Variants in MAST2 observed in about 807,000 individuals in gnomAD.
MAST2 encodes microtubule-associated serine/threonine-protein kinase 2.
In MAST2, 70 loss-of-function variants were observed where a neutral mutation model predicts 147.4. That is an observed-to-expected ratio of 0.47 (90% CI 0.39 to 0.58). The LOEUF is 0.58. Ranked by LOEUF, MAST2 falls within the 20% of genes least tolerant of loss-of-function variation. MAST2 has a pLI of 0.00. For missense variants in MAST2, 2,080 were observed against 2,302.3 expected (o/e 0.90, Z 1.98); for synonymous variants, 869 against 896.8 (o/e 0.97, Z 0.55).
At chr1:45,892,689 A>G (rs1278695610) in intron 4 of MAST2, among the ~76,000 whole-genome samples, 1 of 152,190 alleles carries the variant, frequency 6.6e-6, no homozygotes, top group Admixed American at 6.5e-5. Context: ...TTTGTTGAAG[A>G]CACAGACTCT....
chr1:45,852,272 C>T (rs761335786), intron 3 of MAST2, among the ~76,000 whole-genome samples: 12 of 152,164 alleles, frequency 7.9e-5, no homozygotes, highest in Admixed American at 2.6e-4. Context: ...CAAAGGAATT[C>T]GCTTGGGCTG....
intron 11 of MAST2, 64 bp downstream of exon 11, chr1:46,019,761 G>A: frequency 7.2e-7 from 1 of 1,381,232 alleles, no homozygotes; most frequent in African/African-American, 1.4e-5. Context: ...GAAGTATCCT[G>A]ATGACAGCAA....
chr1:45,977,243 T>G (rs915946003), intron 5 of MAST2, among the ~76,000 whole-genome samples: 2 of 152,206 alleles, frequency 1.3e-5, no homozygotes, highest in African/African-American at 4.8e-5. Context: ...TTCCCAGCAC[T>G]TTGGGAGGCC....
rs540128921 is a variant in MAST2 at position 45,866,221 on chromosome 1, C to T, written c.469-16143C>T. ...ATTCAGAGCCCGTAGGGAGAACCCA[C>T]TGAATCTTTAGCAGTTGACCAGTAT... On this transcript the variant is annotated intron_variant, in intron 3 of 28. Transcript: ENST00000361297. Among the ~76,000 whole-genome samples the T allele has an allele frequency of 7.2e-5, 11 of 152,250 alleles. No homozygotes were observed. In the South Asian group the frequency reaches 2.3e-3, roughly 32 times the overall value.
chr1:45,907,750 C>T (rs912688951), intron 4 of MAST2, among the ~76,000 whole-genome samples: 1 of 152,140 alleles, frequency 6.6e-6, no homozygotes. Context: ...CCTTGGCAGT[C>T]TCTGTTCTAC....
chr1:46,018,494 A>G (rs1646051770), intron 10 of MAST2, among the ~76,000 whole-genome samples: 1 of 152,220 alleles, frequency 6.6e-6, no homozygotes. Flanking sequence ...TAGAGAATTG[A>G]AGCGAGGGAT....
At chr1:45,877,441 G>A (rs1156701974) in intron 3 of MAST2, among the ~76,000 whole-genome samples, 1 of 152,062 alleles carries the variant, frequency 6.6e-6, no homozygotes, top group Admixed American at 6.6e-5. Context: ...AAGGCCTCAT[G>A]ACCTAATCAC....
Position 46,022,981 on chromosome 1 carries a change from C to G in MAST2, c.1485+10C>G. 6.2e-7 allele frequency: 1 copy of G among 1,613,452 alleles called. No homozygotes were observed. The highest frequency in any genetic ancestry group is 8.5e-7 in the Non-Finnish European group (1 of 1,179,410). ...AGATGATTCTATTGAGGTAAAAACC[C>G]TGAGCTCCTACCCCATTCCTGGAGC... is the stretch of plus-strand genomic sequence containing the variant. On this transcript the variant is annotated intron_variant, in intron 13 of 28. Transcript: ENST00000361297.
chr1:45,904,534 C>G (rs1354268786), intron 4 of MAST2, among the ~76,000 whole-genome samples: 1 of 151,772 alleles, frequency 6.6e-6, no homozygotes. Flanking sequence ...TTCGCGCAAT[C>G]ACAGCTCACT....
rs1356515874 is a variant in MAST2, at chr1:45,821,520, T to C, written c.178-2913T>C. Among the ~76,000 whole-genome samples the C allele has an allele frequency of 5.4e-3, 757 of 140,214 alleles. 4 individuals are homozygous for C. The highest frequency in any genetic ancestry group is 0.019 in the African/African-American group (720 of 37,436). 92.0% of individuals were successfully genotyped at this position (140,214 alleles called of 152,430 possible). A position where few individuals can be genotyped will look rare whatever the true frequency, so the allele number is the denominator to read the frequency against. ...GTTTTGGTATGTTATTTCTTCTTTT[T>C]TTTTTTTTTTTTTTTTTTGAGACAG... On this transcript the variant is annotated intron_variant, in intron 1 of 28. Transcript: ENST00000361297.
intron 5 of MAST2, among the ~76,000 whole-genome samples, chr1:45,979,280 C>T (rs1453003077): frequency 1.3e-5 from 2 of 152,164 alleles, no homozygotes; most frequent in Non-Finnish European, 2.9e-5. Context: ...GATTCAAGGT[C>T]AACTGACTGC....
chr1:45,820,011 G>A (rs1211476083), intron 1 of MAST2, among the ~76,000 whole-genome samples: 4 of 151,956 alleles, frequency 2.6e-5, no homozygotes, highest in African/African-American at 9.7e-5. Flanking sequence ...CCAATAGAAC[G>A]GAATAGAGAA....
At position 45,921,940 on chromosome 1, in the gene MAST2, T is replaced by C. The variant is rs186613133; in HGVS notation, c.501-37446T>C. On this transcript the variant is annotated intron_variant, in intron 4 of 28. Transcript: ENST00000361297. The stretch of plus-strand genomic sequence containing the variant: ...AAGGAATGAGGTACACAGACAAATA[T>C]AGGGTGAGCAAGACAAAGGGGAACT... Among the ~76,000 whole-genome samples the C allele has an allele frequency of 3.3e-5, 5 of 152,244 alleles. No homozygotes were observed. In the East Asian group the frequency reaches 9.6e-4, roughly 29 times the overall value.
At chr1:45,963,178 A>T (rs1660681588) in intron 5 of MAST2, among the ~76,000 whole-genome samples, 1 of 152,198 alleles carries the variant, frequency 6.6e-6, no homozygotes, top group African/African-American at 2.4e-5. Flanking sequence ...CTTGTAGTAT[A>T]GTTTGAAGTC....
intron 6 of MAST2, among the ~76,000 whole-genome samples, chr1:45,998,752 G>C (rs1420953668): frequency 6.6e-6 from 1 of 150,760 alleles, no homozygotes; most frequent in East Asian, 1.9e-4. Context: ...TTTTGAGACG[G>C]AGTCTCACTC....
intron 3 of MAST2, chr1:45,847,564 C>CT (rs1427632511): frequency 2.0e-5 from 16 of 799,354 alleles, no homozygotes; most frequent in East Asian, 3.7e-5. Flanking sequence ...GGATGAATGA[C>CT]TTTTTTTCCC....
chr1:45,882,124 G>A (rs567216567), intron 3 of MAST2, among the ~76,000 whole-genome samples: 8 of 150,956 alleles, frequency 5.3e-5, no homozygotes, highest in Admixed American at 1.3e-4. Context: ...CCTGGGAGGT[G>A]GAGCTTGCAG....
intron 5 of MAST2, among the ~76,000 whole-genome samples, chr1:45,988,769 G>T (rs1265373648): frequency 6.6e-6 from 1 of 152,058 alleles, no homozygotes; most frequent in Non-Finnish European, 1.5e-5. Context: ...GGCCATCAAG[G>T]TCCTTTCAGT....
intron 4 of MAST2, among the ~76,000 whole-genome samples, chr1:45,888,470 C>T (rs1647187617): frequency 6.6e-6 from 1 of 151,894 alleles, no homozygotes; most frequent in Admixed American, 6.6e-5. Flanking sequence ...TCACACCATT[C>T]TCCCACCTCA....
Sources: allele counts gnomAD v4.1 joint callset (sites outside exome capture counted in the v4.1 genomes callset), GRCh38; gene constraint gnomAD v4.1.1; transcripts MANE v1.5; gene names NCBI Gene and HGNC (gene_info 2026-07-23, HGNC 2026-07-21).